NBPF10: variants seen among roughly 807,000 people sequenced by gnomAD.
The protein encoded by NBPF10 is NBPF member 10, also known as NBPF family member NBPF10.
NBPF10 carries 63 observed loss-of-function variants against 77.9 expected under a neutral mutation model. The ratio of observed to expected loss-of-function variants is 0.81; its 90% CI spans 0.66 to 1.00. The LOEUF (loss-of-function observed/expected upper bound fraction) is 1.00. NBPF10 is among the 50% of genes least tolerant of loss of function. The probability of loss-of-function intolerance (pLI) is 0.00; values close to 1 mark genes in which losing one functional copy is unlikely to be tolerated. For synonymous variants in NBPF10, 146 were observed against 264.5 expected, an observed-to-expected ratio of 0.55 and a Z score of 4.35; for missense variants, 522 against 679.8, an observed-to-expected ratio of 0.77 and a Z score of 2.58.
chr1:146,066,785 G>A (rs1260427748), intron 89 of NBPF10, among the ~76,000 whole-genome samples: 1 of 151,988 alleles, frequency 6.6e-6, no homozygotes, highest in African/African-American at 2.4e-5. Context: ...GACAGAGACA[G>A]AGACAGAGAG....
chr1:146,142,170 C>A (rs1374943148), intron 2 of NBPF10, among the ~76,000 whole-genome samples: 1 of 117,566 alleles, frequency 8.5e-6, no homozygotes, highest in Non-Finnish European at 2.0e-5. Context: ...CTTGCGGCCA[C>A]TAGATACAAA....
Position 146,127,032 on chromosome 1 carries a change from GA to G in NBPF10, c.1848del (p.Arg618GlyfsTer32). The stretch of plus-strand genomic sequence containing the variant: ...TCCACAATTTCTCAGACTCACCTGG[GA>G]CCTGTTGCCTCTTGGTCCTCCTTTT... On this transcript the variant is annotated frameshift_variant, in exon 13 of 90. Coordinates refer to ENST00000583866, the Ensembl canonical transcript of NBPF10. LOFTEE classifies it high-confidence loss of function. 2.0e-6 allele frequency: 1 copy of G among 511,222 alleles called. No homozygotes were observed. Among genetic ancestry groups the G allele is most frequent in the Non-Finnish European group, 3.4e-6 (1 of 293,032 alleles). The allele number at this position is 511,222 out of a possible 1,614,324, so 31.7% of individuals were successfully genotyped here. A position where few individuals can be genotyped will look rare whatever the true frequency, so the allele number is the denominator to read the frequency against.
chr1:146,125,324 C>T, intron 15 of NBPF10, 141 bp downstream of exon 15: 1 of 267,376 alleles, frequency 3.7e-6, no homozygotes, highest in Non-Finnish European at 6.6e-6. Flanking sequence ...ACATCTACTG[C>T]AATGAAAACC....
intron 5 of NBPF10, among the ~76,000 whole-genome samples, chr1:146,138,911 A>G (rs1324536876): frequency 7.6e-4 from 99 of 129,620 alleles, no homozygotes; most frequent in Admixed American, 1.4e-3. Context: ...CAGCCTGCCA[A>G]GCATCTGGGA....
At chr1:146,067,739 C>T (rs1207066020) in intron 88 of NBPF10, among the ~76,000 whole-genome samples, 1 of 150,756 alleles carries the variant, frequency 6.6e-6, no homozygotes, top group East Asian at 2.0e-4. Context: ...GAATTTGTCA[C>T]ATCTGCCCAG....
rs1553779415 is a variant in NBPF10, at chr1:146,069,622, C to A, written c.10731G>T (p.Leu3577=). 1.5e-5 allele frequency: 23 copies of A among 1,570,568 alleles called. No individual in the cohort carries two copies. In the South Asian group the frequency reaches 2.4e-4, roughly 17 times the overall value. ...TTCTGTAGGGCTGGCATGAGTCACA[C>A]AGTTCAAGACAACCTGAAGGAGTTG... Residue 3577 remains leucine (L), a synonymous_variant, in exon 86 of 90, where the codon CTG becomes CTT. Transcript: ENST00000583866.
chr1:146,066,950 C>T (rs1655141589), intron 89 of NBPF10, among the ~76,000 whole-genome samples: 1 of 144,844 alleles, frequency 6.9e-6, no homozygotes, highest in Admixed American at 7.0e-5. Context: ...ATGCAGTGGC[C>T]ATGAGAGTAC....
At chr1:146,067,215 T>A (rs1559307350) in exon 89 of NBPF10, 8 of 577,586 alleles carry the variant, frequency 1.4e-5, no homozygotes, top group African/African-American at 2.0e-5. Flanking sequence ...CTTCCCCTTC[T>A]TTTCTTCCCC....
intron 10 of NBPF10, among the ~76,000 whole-genome samples, chr1:146,132,913 CAAAA>C (rs59023668): frequency 1.7e-3 from 27 of 15,558 alleles, no homozygotes; most frequent in African/African-American, 3.9e-3. Flanking sequence ...GACTCCATTG[CAAAA>C]AAAAAAAAAA....
intron 7 of NBPF10, among the ~76,000 whole-genome samples, chr1:146,136,064 C>T (rs1404268082): frequency 6.7e-6 from 1 of 148,280 alleles, no homozygotes; most frequent in Non-Finnish European, 1.5e-5. Context: ...TTTGAGTATA[C>T]TGAATGCTGC....
rs1344078774 is a variant in NBPF10 at position 146,135,978 on chromosome 1, G to A, written c.1091+375C>T. On this transcript the variant is annotated intron_variant, in intron 7 of 89. Coordinates refer to ENST00000583866, the Ensembl canonical transcript of NBPF10. ...GGGTCGAGAAGGCAACATTGATTGA[G>A]TGAAAGAATGAGAAGCCGCAGTCAG... is the stretch of plus-strand genomic sequence containing the variant. 2.7e-5 allele frequency among the ~76,000 whole-genome samples: 4 copies of A among 149,962 alleles called. No individual in the cohort carries two copies. The South Asian group carries it at 6.5e-4, about 24-fold the overall frequency.
At chr1:146,143,875 G>A (rs1286554253) in intron 1 of NBPF10, among the ~76,000 whole-genome samples, 2 of 148,774 alleles carry the variant, frequency 1.3e-5, no homozygotes, top group African/African-American at 2.5e-5. Flanking sequence ...TCAGCCTCCC[G>A]ATTAGTGGTG....
At position 146,139,215 on chromosome 1, in the gene NBPF10, T is replaced by A. The variant is rs1236245186; in HGVS notation, c.778+594A>T. ...CCTGGGTTCATGCCATTCTCCTGCC[T>A]CAGCCTCCTGAGTAGCTGGGACTAC... On this transcript the variant is annotated intron_variant, in intron 5 of 89. Transcript: ENST00000583866. Among the ~76,000 whole-genome samples, 16 of 147,294 alleles carry A rather than the reference T, an allele frequency of 1.1e-4. No individual in the cohort carries two copies. The South Asian group carries it at 3.2e-3, about 30-fold the overall frequency.
exon 15 of NBPF10, chr1:146,125,512 A>C (rs1553789518): frequency 1.7e-6 from 1 of 591,932 alleles, no homozygotes; most frequent in East Asian, 2.9e-5. Context: ...GGTACTTTTC[A>C]ATTTCTGCAA....
In NBPF10 at chr1:146,126,285, G is replaced by T. The variant is rs782339644; in HGVS notation, c.1977C>A (p.Ala659=). ...CACGCTGTTGCTCCAATATGTAAAA[G>T]GCACTTCTGTAGGGCTGGCATGAGT... The change falls in exon 14 of 90, where the codon GCC becomes GCA. Residue 659 remains alanine, a synonymous_variant. Coordinates refer to ENST00000583866, the Ensembl canonical transcript of NBPF10. 92 of 1,605,572 alleles carry T rather than the reference G, an allele frequency of 5.7e-5. 1 individual carries two copies. Among genetic ancestry groups the T allele is most frequent in the Non-Finnish European group, 7.2e-5 (85 of 1,174,554 alleles).
At chr1:146,142,203 G>C (rs1307884497) in intron 2 of NBPF10, among the ~76,000 whole-genome samples, 3 of 114,136 alleles carry the variant, frequency 2.6e-5, no homozygotes, top group African/African-American at 8.7e-5. Flanking sequence ...AATGAGGCCA[G>C]GTGCAGATGG....
intron 14 of NBPF10, among the ~76,000 whole-genome samples, chr1:146,126,018 C>T (rs1348530078): frequency 6.6e-6 from 1 of 151,768 alleles, no homozygotes; most frequent in Non-Finnish European, 1.5e-5. Context: ...TATGGTGCCA[C>T]AGGCATGGCC....
In NBPF10 at chr1:146,141,787, G is replaced by A. The variant is rs587603247; in HGVS notation, c.310C>T (p.Arg104Ter). The A allele has an allele frequency of 1.0e-4, 137 of 1,341,556 alleles. 22 individuals carry two copies. Among genetic ancestry groups the A allele is most frequent in the Non-Finnish European group, 1.2e-4 (118 of 974,104 alleles). 83.1% of individuals were successfully genotyped at this position (1,341,556 alleles called of 1,614,324 possible). ...TTCTCCCTTAGCTGGGTCAGCTCTC[G>A]TTCCTGAGAGTGAACTAGGACTTTA... Residue 104 changes from arginine (R) to a stop codon, truncating the protein, a stop_gained, in exon 3 of 90, where the codon CGA becomes TGA. Transcript: ENST00000583866. LOFTEE classifies it high-confidence loss of function.
intron 14 of NBPF10, 54 bp downstream of exon 14, chr1:146,126,182 A>T (rs1213798059): frequency 7.3e-6 from 7 of 953,970 alleles, no homozygotes; most frequent in Admixed American, 1.7e-5. Context: ...TAGGAATATG[A>T]CCCTAACCAG....
Sources: gnomAD v4.1 joint callset for allele counts (sites outside exome capture counted in the v4.1 genomes callset) on GRCh38, gnomAD v4.1.1 for gene constraint, MANE v1.5 for transcripts, NCBI Gene and HGNC (gene_info 2026-07-23, HGNC 2026-07-21) for gene names.